Variants in NINJ2 observed in about 807,000 individuals in gnomAD.
NINJ2 encodes ninjurin-2.
NINJ2 carries 12 observed loss-of-function variants against 11.7 expected under a neutral mutation model. That is an observed-to-expected ratio of 1.02 (90% CI 0.66 to 1.66). The LOEUF is 1.66. Ranked by LOEUF, NINJ2 falls within the 40% of genes most tolerant of loss-of-function variation. The probability of loss-of-function intolerance (pLI) is 0.00; values close to 1 mark genes in which losing one functional copy is unlikely to be tolerated. For missense variants in NINJ2, 187 were observed against 181.8 expected (o/e 1.03, Z -0.16); for synonymous variants, 93 against 76.8 (o/e 1.21, Z -1.10).
chr12:653,964 G>A (rs1565649879), intron 1 of NINJ2, among the ~76,000 whole-genome samples: 1 of 152,206 alleles, frequency 6.6e-6, no homozygotes, highest in Non-Finnish European at 1.5e-5. Flanking sequence ...TTAGGAGGCT[G>A]AAATGGGAAA....
intron 1 of NINJ2, among the ~76,000 whole-genome samples, chr12:642,342 T>C (rs903983663): frequency 3.3e-5 from 5 of 152,210 alleles, no homozygotes; most frequent in African/African-American, 1.2e-4. Flanking sequence ...GCGATCCTCC[T>C]GCCTCAGCCT....
intron 1 of NINJ2, among the ~76,000 whole-genome samples, chr12:576,712 C>T (rs2535425): frequency 0.36 from 54,659 of 152,130 alleles, 10,951 homozygotes; most frequent in Non-Finnish European, 0.46. Context: ...GGCCGTTTTG[C>T]CAGTGGCTTT....
At chr12:650,979 C>T (rs1377749029) in intron 1 of NINJ2, among the ~76,000 whole-genome samples, 1 of 152,124 alleles carries the variant, frequency 6.6e-6, no homozygotes, top group Non-Finnish European at 1.5e-5. Context: ...CTCACAAGGG[C>T]AATTCTCCTC....
rs1022696680 is a variant in NINJ2 at position 580,147 on chromosome 12, G to A, written c.34-13969C>T. On this transcript the variant is annotated intron_variant, in intron 1 of 3. Transcript: ENST00000305108. This position sits in a 1 kb window ranked among gnomAD's most constrained non-coding sequence, Gnocchi z 4.7. ...ATGCTTCCAGGGCTGTAGCAGTTAA[G>A]GACACAGAATCCAGAGCCTGTATAA... Among the ~76,000 whole-genome samples, 2 of 152,186 alleles carry A rather than the reference G, an allele frequency of 1.3e-5. No individual in the cohort carries two copies. The highest frequency in any genetic ancestry group is 4.8e-5 in the African/African-American group (2 of 41,422).
chr12:616,123 C>A (rs542017492), intron 1 of NINJ2, among the ~76,000 whole-genome samples: 2 of 152,292 alleles, frequency 1.3e-5, no homozygotes, highest in East Asian at 1.9e-4. Context: ...TATAAAAAAA[C>A]CAGGACTGCA....
At chr12:593,053 A>G (rs572817382) in intron 1 of NINJ2, among the ~76,000 whole-genome samples, 15 of 152,306 alleles carry the variant, frequency 9.8e-5, no homozygotes, top group Admixed American at 9.2e-4. Context: ...AAAAAAATGA[A>G]CAGACAAAAG....
At chr12:652,124 T>TA (rs1476883894) in intron 1 of NINJ2, among the ~76,000 whole-genome samples, 1 of 151,408 alleles carries the variant, frequency 6.6e-6, no homozygotes, top group Non-Finnish European at 1.5e-5. Flanking sequence ...GATAAATACC[T>TA]AAAGAGCTAC....
chr12:600,074 C>T (rs181465674), intron 1 of NINJ2, among the ~76,000 whole-genome samples: 41 of 152,298 alleles, frequency 2.7e-4, no homozygotes, highest in African/African-American at 7.7e-4. Context: ...TTACTCCTTC[C>T]GAACGCCTGA....
intron 1 of NINJ2, among the ~76,000 whole-genome samples, chr12:606,728 AC>A (rs1393906725): frequency 2.0e-5 from 3 of 152,232 alleles, no homozygotes; most frequent in Non-Finnish European, 1.5e-5. Flanking sequence ...AAGTTAGTCC[AC>A]AAAAATTGTC....
At chr12:646,194 C>T (rs1183058291) in intron 1 of NINJ2, among the ~76,000 whole-genome samples, 1 of 152,198 alleles carries the variant, frequency 6.6e-6, no homozygotes, top group Non-Finnish European at 1.5e-5. Context: ...CTACCCTGTG[C>T]TCCCCTCCAT....
At chr12:609,549 C>G (rs1051352502) in intron 1 of NINJ2, among the ~76,000 whole-genome samples, 3 of 152,056 alleles carry the variant, frequency 2.0e-5, no homozygotes, top group African/African-American at 7.2e-5. Flanking sequence ...GCGGGTGGAT[C>G]ACGAGGTCAG....
At chr12:606,038 GTTTA>G (rs1439282808) in intron 1 of NINJ2, among the ~76,000 whole-genome samples, 12 of 152,200 alleles carry the variant, frequency 7.9e-5, no homozygotes, top group South Asian at 6.2e-4. Context: ...TCTTATTTTA[GTTTA>G]TTTATTATTT....
chr12:600,412 G>A (rs1252459245), intron 1 of NINJ2, among the ~76,000 whole-genome samples: 4 of 151,966 alleles, frequency 2.6e-5, no homozygotes, highest in South Asian at 4.2e-4. Context: ...AAAGTTAGCC[G>A]GGCATGGGTG....
chr12:614,300 A>G lies in NINJ2; in HGVS notation c.34-48122T>C, dbSNP rs1198880889. On this transcript the variant is annotated intron_variant, in intron 1 of 3. Coordinates refer to ENST00000305108, the MANE Select transcript of NINJ2 (RefSeq NM_016533.6). The surrounding 1 kb of genome is among the most constrained non-coding windows in gnomAD (Gnocchi z 5.1). ...CCTCATGACTTCTTGCATTCGGCTG[A>G]ATATTCTAGACTGCATGAGGGAGAG... is the stretch of plus-strand genomic sequence containing the variant. Among the ~76,000 whole-genome samples the G allele has an allele frequency of 6.6e-6, 1 of 152,180 alleles. No homozygotes were observed. Among genetic ancestry groups the G allele is most frequent in the African/African-American group, 2.4e-5 (1 of 41,424 alleles).
At chr12:594,152 T>A (rs1947752868) in intron 1 of NINJ2, among the ~76,000 whole-genome samples, 1 of 152,178 alleles carries the variant, frequency 6.6e-6, no homozygotes, top group South Asian at 2.1e-4. Context: ...TTGCCTTTGT[T>A]CACAGATGAC....
chr12:661,802 G>A (rs1253346374), intron 1 of NINJ2, among the ~76,000 whole-genome samples: 8 of 152,220 alleles, frequency 5.3e-5, no homozygotes, highest in Non-Finnish European at 8.8e-5. Context: ...CCAATTAGGT[G>A]ACCTTATTCC....
intron 1 of NINJ2, chr12:641,172 C>T (rs1207479947): frequency 1.3e-5 from 2 of 152,240 alleles, no homozygotes; most frequent in African/African-American, 4.8e-5. Flanking sequence ...AAAATTCTGC[C>T]TTCCGTGTGC....
chr12:627,565 G>A (rs1320281274), intron 1 of NINJ2, among the ~76,000 whole-genome samples: 1 of 152,180 alleles, frequency 6.6e-6, no homozygotes, highest in Non-Finnish European at 1.5e-5. Context: ...CTAATTATTG[G>A]AGCCTCGAAT....
At chr12:589,726 G>A (rs1947692371) in intron 1 of NINJ2, 1 of 152,150 alleles carries the variant, frequency 6.6e-6, no homozygotes, top group Non-Finnish European at 1.5e-5. Context: ...CATGTGCTGG[G>A]TATGCCTCCT....
Sources: gnomAD v4.1 joint callset for allele counts (sites outside exome capture counted in the v4.1 genomes callset) on GRCh38, gnomAD v4.1.1 for gene constraint, Gnocchi (gnomAD v3.1) non-coding constraint, MANE v1.5 for transcripts, NCBI Gene and HGNC (gene_info 2026-07-23, HGNC 2026-07-21) for gene names.